Variants in RAPGEF4 observed in about 807,000 individuals in gnomAD.
RAPGEF4 encodes the protein Rap guanine nucleotide exchange factor 4, also known as RAP guanine-nucleotide-exchange factor (GEF) 4.
In RAPGEF4, 66 loss-of-function variants were observed where a neutral mutation model predicts 147.9. The ratio of observed to expected loss-of-function variants is 0.45; its 90% CI spans 0.37 to 0.55. RAPGEF4 has a LOEUF of 0.55. Among genes scored for constraint, RAPGEF4 ranks in the 20% least tolerant of loss-of-function variants. The pLI is 0.00. For missense variants in RAPGEF4, 1,071 were observed against 1,257.3 expected (o/e 0.85, Z 2.24); for synonymous variants, 419 against 442.7 (o/e 0.95, Z 0.67).
At chr2:172,821,871 A>G in intron 4 of RAPGEF4, 1 of 1,589,236 alleles carries the variant, frequency 6.3e-7, no homozygotes, top group Non-Finnish European at 8.6e-7. Flanking sequence ...CGAACAGGGA[A>G]TGAACGGCAA....
intron 1 of RAPGEF4, among the ~76,000 whole-genome samples, chr2:172,783,279 T>G (rs76599085): frequency 0.015 from 2,238 of 152,318 alleles, 58 homozygotes; most frequent in African/African-American, 0.052. Flanking sequence ...TTTATTGCTT[T>G]GCTTAAGGGC....
chr2:172,965,378 T>C (rs1265711054), intron 8 of RAPGEF4, 184 bp from the exon 9 acceptor site: 2 of 687,830 alleles, frequency 2.9e-6, no homozygotes, highest in African/African-American at 3.6e-5. Context: ...GCTGAGTGGC[T>C]TTTTTGGCTT....
chr2:172,817,879 T>TCACA (rs147549072), intron 4 of RAPGEF4, among the ~76,000 whole-genome samples: 1 of 29,266 alleles, frequency 3.4e-5, no homozygotes, highest in Non-Finnish European at 1.0e-4. Context: ...AATTGTGATA[T>TCACA]ATATATATAT....
chr2:173,012,147 A>G (rs2105875093), intron 17 of RAPGEF4, among the ~76,000 whole-genome samples: 1 of 152,336 alleles, frequency 6.6e-6, no homozygotes, highest in Non-Finnish European at 1.5e-5. Context: ...AGGCCATCAG[A>G]AAGGTTGTCT....
intron 25 of RAPGEF4, among the ~76,000 whole-genome samples, chr2:173,028,589 T>G (rs373520545): frequency 6.6e-6 from 1 of 152,120 alleles, no homozygotes; most frequent in African/African-American, 2.4e-5. Context: ...TTCTTATCCC[T>G]CTCCCTTCTG....
chr2:172,789,795 C>G (rs897237367), intron 1 of RAPGEF4, among the ~76,000 whole-genome samples: 3 of 152,034 alleles, frequency 2.0e-5, no homozygotes, highest in Admixed American at 6.6e-5. Flanking sequence ...GAATGTCCTT[C>G]ATTTTCAGGG....
intron 18 of RAPGEF4, 89 bp downstream of exon 18, chr2:173,014,703 C>A: frequency 8.1e-7 from 1 of 1,234,648 alleles, no homozygotes; most frequent in Non-Finnish European, 1.1e-6. Flanking sequence ...CTGGAGAGAC[C>A]GTAATTGCAA....
At chr2:172,843,901 T>C (rs907040715) in intron 4 of RAPGEF4, among the ~76,000 whole-genome samples, 2 of 152,228 alleles carry the variant, frequency 1.3e-5, no homozygotes, top group African/African-American at 4.8e-5. Context: ...TACACAGGAA[T>C]TGTTCACAGA....
At chr2:172,862,454 A>G (rs537001540) in intron 4 of RAPGEF4, among the ~76,000 whole-genome samples, 2 of 152,286 alleles carry the variant, frequency 1.3e-5, no homozygotes, top group South Asian at 4.2e-4. Context: ...GCAAGTGTTT[A>G]TTTAGCATTT....
intron 1 of RAPGEF4, among the ~76,000 whole-genome samples, chr2:172,783,515 C>T (rs1316763838): frequency 6.6e-6 from 1 of 152,268 alleles, no homozygotes; most frequent in South Asian, 2.1e-4. Flanking sequence ...TTGGTGTGCC[C>T]TGTCTGACTG....
chr2:172,935,403 A>G (rs553009344), intron 6 of RAPGEF4, among the ~76,000 whole-genome samples: 1 of 152,148 alleles, frequency 6.6e-6, no homozygotes, highest in Non-Finnish European at 1.5e-5. Flanking sequence ...GAGCCAGTGT[A>G]GGTGGGATAC....
chr2:172,955,134 A>T (rs1045191563), intron 6 of RAPGEF4, among the ~76,000 whole-genome samples: 8 of 152,242 alleles, frequency 5.3e-5, no homozygotes, highest in Admixed American at 2.0e-4. Context: ...TCTTTGAGCA[A>T]GCACTTGAGG....
At chr2:172,813,743 G>A (rs766743894) in intron 3 of RAPGEF4, among the ~76,000 whole-genome samples, 3 of 151,764 alleles carry the variant, frequency 2.0e-5, no homozygotes, top group Non-Finnish European at 4.4e-5. Context: ...AAAACAGATA[G>A]TAGTTGTATA....
intron 4 of RAPGEF4, among the ~76,000 whole-genome samples, chr2:172,849,139 A>G (rs1046483038): frequency 6.6e-6 from 1 of 151,974 alleles, no homozygotes; most frequent in African/African-American, 2.4e-5. Flanking sequence ...TTTGCCAGAC[A>G]ACTTGATTCA....
rs989465232 is a variant in RAPGEF4 at position 172,967,444 on chromosome 2, C to G, written c.1004C>G (p.Pro335Arg). The G allele has an allele frequency of 1.5e-5, 24 of 1,609,454 alleles. No individual in the cohort carries two copies. The highest frequency in any genetic ancestry group is 2.0e-5 in the Non-Finnish European group (23 of 1,178,432). ...DAHMRMILRK[P>R]PGQRTVDDLE... ...CACATGAGGATGATCCTTCGCAAACCGTGAGTGAGAGCTCGTGGCTCACCC... is the reference window on the plus strand; with the variant it reads ...CACATGAGGATGATCCTTCGCAAACGGTGAGTGAGAGCTCGTGGCTCACCC... The change falls in exon 10 of 31, where the codon CCA becomes CGA. Residue 335 changes from proline to arginine, a missense_variant and splice_region_variant. Physicochemically the swap from Pro to Arg is moderately radical, Grantham distance 103. Transcript: ENST00000397081.
intron 22 of RAPGEF4, among the ~76,000 whole-genome samples, 194 bp from the exon 23 acceptor site, chr2:173,020,424 A>G (rs1199617809): frequency 6.6e-6 from 1 of 152,190 alleles, no homozygotes; most frequent in African/African-American, 2.4e-5. Flanking sequence ...CCATTTCTGA[A>G]GGCATCCTGA....
At chr2:172,976,506 T>TA (rs1691084050) in intron 10 of RAPGEF4, among the ~76,000 whole-genome samples, 1 of 151,948 alleles carries the variant, frequency 6.6e-6, no homozygotes, top group African/African-American at 2.4e-5. Context: ...GATGAAGCGT[T>TA]GCATCAAAAA....
intron 26 of RAPGEF4, among the ~76,000 whole-genome samples, chr2:173,032,131 G>A (rs1399000498): frequency 1.3e-5 from 2 of 152,180 alleles, no homozygotes; most frequent in Admixed American, 1.3e-4. Flanking sequence ...AGAATTACCT[G>A]GAGCACACAC....
intron 4 of RAPGEF4, among the ~76,000 whole-genome samples, chr2:172,838,240 A>G (rs1363667813): frequency 6.6e-6 from 1 of 152,116 alleles, no homozygotes; most frequent in Non-Finnish European, 1.5e-5. Flanking sequence ...CTCTGTGGAT[A>G]TCATGACGTG....
Sources: allele counts gnomAD v4.1 joint callset (sites outside exome capture counted in the v4.1 genomes callset), GRCh38; gene constraint gnomAD v4.1.1; transcripts MANE v1.5; gene names NCBI Gene and HGNC (gene_info 2026-07-23, HGNC 2026-07-21).